PDE8A: variants seen among roughly 807,000 people sequenced by gnomAD.
PDE8A encodes high affinity cAMP-specific and IBMX-insensitive 3',5'-cyclic phosphodiesterase 8A.
In PDE8A, 59 loss-of-function variants were observed where a neutral mutation model predicts 105.0. That is an observed-to-expected ratio of 0.56 (90% confidence interval 0.46 to 0.70). The LOEUF is 0.70. Among genes scored for constraint, PDE8A ranks in the 30% least tolerant of loss-of-function variants. The probability of loss-of-function intolerance (pLI) is 0.00; values close to 1 mark genes in which losing one functional copy is unlikely to be tolerated. For missense variants in PDE8A, 1,014 were observed against 1,045.9 expected (o/e 0.97, Z 0.42); for synonymous variants, 355 against 371.9 (o/e 0.95, Z 0.52).
chr15:85,076,356 A>G (rs2081380628), intron 4 of PDE8A, among the ~76,000 whole-genome samples: 1 of 152,050 alleles, frequency 6.6e-6, no homozygotes, highest in South Asian at 2.1e-4. Flanking sequence ...CATAGAAGAA[A>G]TGTTTCTATG....
chr15:85,119,538 A>G (rs1427528043), intron 17 of PDE8A, among the ~76,000 whole-genome samples: 1 of 149,704 alleles, frequency 6.7e-6, no homozygotes, highest in Non-Finnish European at 1.5e-5. Context: ...AATTTAAATT[A>G]TTGAATTTTA....
chr15:85,073,152 T>C (rs1287567461), intron 3 of PDE8A, among the ~76,000 whole-genome samples: 1 of 152,172 alleles, frequency 6.6e-6, no homozygotes, highest in Non-Finnish European at 1.5e-5. Context: ...CCCTGAGTAC[T>C]TAACACTGCT....
At chr15:85,086,772 A>ATCTC (rs2081559560) in intron 6 of PDE8A, among the ~76,000 whole-genome samples, 1 of 151,830 alleles carries the variant, frequency 6.6e-6, no homozygotes, top group African/African-American at 2.4e-5. Context: ...ATTTTTTGAG[A>ATCTC]TAGAGTCTCA....
intron 6 of PDE8A, among the ~76,000 whole-genome samples, chr15:85,088,785 A>G (rs954017172): frequency 1.3e-5 from 2 of 152,214 alleles, no homozygotes; most frequent in South Asian, 2.1e-4. Flanking sequence ...TCACTTGTAT[A>G]ATTTTAAAAA....
At chr15:85,015,799 AT>A (rs1459935920) in intron 1 of PDE8A, among the ~76,000 whole-genome samples, 1 of 151,940 alleles carries the variant, frequency 6.6e-6, no homozygotes, top group Non-Finnish European at 1.5e-5. Flanking sequence ...CTCTTTCTAT[AT>A]TGCAAATATT....
intron 1 of PDE8A, among the ~76,000 whole-genome samples, chr15:84,999,147 A>T (rs1455368486): frequency 1.5e-5 from 2 of 136,698 alleles, no homozygotes; most frequent in Admixed American, 8.1e-5. Flanking sequence ...TTGAGACGGA[A>T]TCTTGCTCTG....
chr15:85,045,224 T>C (rs554289938), intron 1 of PDE8A, among the ~76,000 whole-genome samples: 2 of 152,362 alleles, frequency 1.3e-5, no homozygotes, highest in East Asian at 1.9e-4. Flanking sequence ...ATCAGAGATA[T>C]TGTCTGTCTT....
At chr15:85,090,236 A>C (rs2081619346) in intron 7 of PDE8A, among the ~76,000 whole-genome samples, 3 of 152,326 alleles carry the variant, frequency 2.0e-5, no homozygotes, top group African/African-American at 7.2e-5. Flanking sequence ...AATCCAGCTG[A>C]ATCTGCTTTC....
chr15:85,102,402 G>A (rs1264457022), intron 11 of PDE8A, among the ~76,000 whole-genome samples: 1 of 152,324 alleles, frequency 6.6e-6, no homozygotes, highest in Non-Finnish European at 1.5e-5. Flanking sequence ...CAGGAGAATG[G>A]CGAGGGCAGA....
intron 1 of PDE8A, among the ~76,000 whole-genome samples, chr15:85,025,123 T>C (rs2080492771): frequency 6.6e-6 from 1 of 152,190 alleles, no homozygotes; most frequent in Non-Finnish European, 1.5e-5. Flanking sequence ...TCACCAAGAA[T>C]GTAATATAAC....
chr15:85,071,090 A>G (rs780281900), intron 3 of PDE8A, among the ~76,000 whole-genome samples: 7 of 152,244 alleles, frequency 4.6e-5, no homozygotes, highest in Non-Finnish European at 8.8e-5. Context: ...AAGCTGAGAG[A>G]ACAGAAAAGG....
At chr15:85,011,945 A>G (rs1470734303) in intron 1 of PDE8A, among the ~76,000 whole-genome samples, 1 of 152,242 alleles carries the variant, frequency 6.6e-6, no homozygotes, top group Non-Finnish European at 1.5e-5. Flanking sequence ...ACACATGAAA[A>G]AATGCTCACC....
intron 1 of PDE8A, among the ~76,000 whole-genome samples, chr15:85,029,266 A>G (rs776572305): frequency 1.3e-5 from 2 of 152,120 alleles, no homozygotes; most frequent in Admixed American, 6.5e-5. Flanking sequence ...TATTTTTTTA[A>G]TGACCCAACT....
At chr15:85,101,599 G>A (rs1704148933) in intron 11 of PDE8A, among the ~76,000 whole-genome samples, 2 of 152,276 alleles carry the variant, frequency 1.3e-5, no homozygotes, top group South Asian at 2.1e-4. Flanking sequence ...AGGGAGCAGC[G>A]TGATGACATC....
chr15:85,091,526 A>G (rs1282044070), intron 8 of PDE8A, among the ~76,000 whole-genome samples: 1 of 152,234 alleles, frequency 6.6e-6, no homozygotes, highest in African/African-American at 2.4e-5. Context: ...AAGGCAACAC[A>G]TTCTCAGAAA....
chr15:85,051,432 C>A (rs1596473292), intron 1 of PDE8A, among the ~76,000 whole-genome samples: 1 of 152,064 alleles, frequency 6.6e-6, no homozygotes, highest in Non-Finnish European at 1.5e-5. Context: ...GGGTTTTGTT[C>A]ATACATGGCT....
intron 6 of PDE8A, among the ~76,000 whole-genome samples, chr15:85,088,971 C>G (rs1234185429): frequency 6.6e-6 from 1 of 152,110 alleles, no homozygotes; most frequent in Non-Finnish European, 1.5e-5. Flanking sequence ...ATTCTTGACT[C>G]TATTCTCTTA....
chr15:85,028,604 T>A (rs1431073749), intron 1 of PDE8A, among the ~76,000 whole-genome samples: 5 of 152,222 alleles, frequency 3.3e-5, no homozygotes, highest in African/African-American at 1.2e-4. Context: ...AAGTGTTATC[T>A]ATTCCTTGTA....
rs560939813 is a variant in PDE8A, at chr15:85,018,439, C to T, written c.186+36091C>T. On this transcript the variant is annotated intron_variant, in intron 1 of 21. Transcript: ENST00000394553. ...TTGTGGATTATTAACAGTTGGTCCA[C>T]GGGCCACACTTTAAGCAACGTCAAT... Among the ~76,000 whole-genome samples the T allele has an allele frequency of 9.7e-4, 148 of 152,244 alleles. 1 individual carries two copies. Among genetic ancestry groups the T allele is most frequent in the African/African-American group, 3.3e-3 (139 of 41,542 alleles).
Sources: allele counts gnomAD v4.1 joint callset (sites outside exome capture counted in the v4.1 genomes callset), GRCh38; gene constraint gnomAD v4.1.1; transcripts MANE v1.5; gene names NCBI Gene and HGNC (gene_info 2026-07-23, HGNC 2026-07-21).